SIK3: variants seen among roughly 807,000 people sequenced by gnomAD.
SIK3 encodes SIK family kinase 3.
Under a neutral mutation model 144.2 loss-of-function variants are expected in SIK3, and 28 were observed. The observed-to-expected ratio is 0.19, with a 90% confidence interval of 0.14 to 0.27. The LOEUF (loss-of-function observed/expected upper bound fraction) is 0.27. SIK3 is among the 10% of genes least tolerant of loss of function. The probability of loss-of-function intolerance (pLI) is 1.00; values close to 1 mark genes in which losing one functional copy is unlikely to be tolerated. For missense variants in SIK3, 1,319 were observed against 1,776.0 expected (o/e 0.74, Z 4.62); for synonymous variants, 686 against 676.3 (o/e 1.01, Z -0.22).
intron 1 of SIK3, among the ~76,000 whole-genome samples, chr11:117,056,769 C>T (rs1448694046): frequency 6.6e-6 from 1 of 152,080 alleles, no homozygotes; most frequent in Non-Finnish European, 1.5e-5. Context: ...TAAAACTTGG[C>T]TGTGCATATA....
At chr11:117,018,852 C>G (rs1299046254) in intron 1 of SIK3, among the ~76,000 whole-genome samples, 1 of 151,902 alleles carries the variant, frequency 6.6e-6, no homozygotes, top group Admixed American at 6.6e-5. Flanking sequence ...GCTGGAATTA[C>G]AGGCGCCTGC....
At chr11:116,999,031 G>C (rs1950764849) in intron 1 of SIK3, among the ~76,000 whole-genome samples, 2 of 152,100 alleles carry the variant, frequency 1.3e-5, no homozygotes, top group South Asian at 2.1e-4. Flanking sequence ...ATAAAATCAA[G>C]GCAAATTCCA....
chr11:116,905,274 C>T (rs1488645681), intron 4 of SIK3, among the ~76,000 whole-genome samples: 7 of 152,228 alleles, frequency 4.6e-5, no homozygotes, highest in Non-Finnish European at 7.3e-5. Flanking sequence ...ATGTTGTTGC[C>T]TATGTCAGCA....
intron 1 of SIK3, among the ~76,000 whole-genome samples, chr11:117,013,905 G>GTGTGTGTGTGTGTGTGTGTGTGT (rs1555127056): frequency 1.9e-4 from 9 of 47,318 alleles, no homozygotes; most frequent in East Asian, 8.7e-4. Flanking sequence ...TCTGAGGGGG[G>GTGTGTGTGTGTGTGTGTGTGTGT]GGGGGGGAGG....
chr11:116,862,241 C>T lies in SIK3; in HGVS notation c.2190G>A (p.Gln730=). 6.2e-7 allele frequency: 1 copy of T among 1,614,210 alleles called. No individual in the cohort carries two copies. Among genetic ancestry groups the T allele is most frequent in the Non-Finnish European group, 8.5e-7 (1 of 1,180,036 alleles). ...GGAGAATTTGATGGTGCTGCTCCTG[C>T]TGGTATAACATATGCTGCTGCTGGG... ...EKTQQQHMLY[Q]QEQHHQILQQ... Residue 730 remains glutamine (Q), a synonymous_variant, in exon 17 of 25, where the codon CAG becomes CAA. Transcript: ENST00000445177.
At chr11:116,948,851 A>C (rs929759002) in intron 3 of SIK3, among the ~76,000 whole-genome samples, 7 of 152,076 alleles carry the variant, frequency 4.6e-5, no homozygotes, top group Non-Finnish European at 1.0e-4. Flanking sequence ...AACTGAAGCA[A>C]GCAGAAAGAA....
intron 1 of SIK3, among the ~76,000 whole-genome samples, chr11:117,027,442 T>A (rs1271099503): frequency 6.6e-6 from 1 of 151,852 alleles, no homozygotes; most frequent in Non-Finnish European, 1.5e-5. Context: ...TTTTTCTTTT[T>A]TTTATATCTG....
In SIK3 at chr11:117,013,972, C is replaced by CTTTTTTTTTT. The variant is rs71037442; in HGVS notation, c.274-56918_274-56909dup. On this transcript the variant is annotated intron_variant, in intron 1 of 24. Transcript: ENST00000445177. ...TGTGTTTTATTTCTTTTTTTCTTTT[C>CTTTTTTTTTT]TTTTTTTTTTTTTTTTTTTTTTGAG... Among the ~76,000 whole-genome samples, 24 of 27,058 alleles carry CTTTTTTTTTT rather than the reference C, an allele frequency of 8.9e-4. 6 individuals carry two copies. Among genetic ancestry groups the CTTTTTTTTTT allele is most frequent in the African/African-American group, 2.5e-3 (23 of 9,102 alleles). 17.8% of individuals were successfully genotyped at this position (27,058 alleles called of 152,430 possible).
chr11:116,851,129 A>T (rs1233836870), intron 21 of SIK3, among the ~76,000 whole-genome samples: 3 of 152,272 alleles, frequency 2.0e-5, no homozygotes, highest in African/African-American at 7.2e-5. Context: ...GATCAAGGAT[A>T]GTCAAGAAGA....
chr11:116,894,171 T>C (rs1169935779), intron 6 of SIK3, among the ~76,000 whole-genome samples: 1 of 152,122 alleles, frequency 6.6e-6, no homozygotes, highest in Admixed American at 6.6e-5. Flanking sequence ...CTGGCTTACC[T>C]CACCAGCAAC....
intron 1 of SIK3, among the ~76,000 whole-genome samples, chr11:117,082,133 A>G (rs888650439): frequency 4.6e-5 from 7 of 152,238 alleles, no homozygotes; most frequent in South Asian, 2.1e-4. Flanking sequence ...AAAAAAGAAA[A>G]TAAGTTTTGG....
At chr11:117,007,959 C>T (rs1185121467) in intron 1 of SIK3, among the ~76,000 whole-genome samples, 5 of 151,312 alleles carry the variant, frequency 3.3e-5, no homozygotes, top group Non-Finnish European at 5.9e-5. Flanking sequence ...TGATGTAATC[C>T]CAGCTACTCA....
chr11:116,914,682 G>A (rs996375956), intron 4 of SIK3, among the ~76,000 whole-genome samples: 4 of 152,152 alleles, frequency 2.6e-5, no homozygotes, highest in Non-Finnish European at 5.9e-5. Flanking sequence ...GTTCCAGAGG[G>A]GCAATTGGTA....
intron 1 of SIK3, among the ~76,000 whole-genome samples, chr11:117,052,066 C>T (rs1565596650): frequency 2.0e-5 from 3 of 151,822 alleles, no homozygotes; most frequent in South Asian, 2.1e-4. Context: ...TGCTTGAAAC[C>T]GGAAGGCGGA....
intron 1 of SIK3, among the ~76,000 whole-genome samples, chr11:117,042,585 G>A (rs1046657029): frequency 2.6e-5 from 4 of 152,168 alleles, no homozygotes; most frequent in African/African-American, 4.8e-5. Flanking sequence ...TTATTTTCCA[G>A]GAGTCTTTCC....
At chr11:116,897,789 A>C (rs1050878378) in intron 4 of SIK3, among the ~76,000 whole-genome samples, 5 of 152,108 alleles carry the variant, frequency 3.3e-5, no homozygotes, top group African/African-American at 1.2e-4. Context: ...AGGCTGAGGC[A>C]GGGGAATTGC....
At position 116,986,912 on chromosome 11, in the gene SIK3, G is replaced by A. The variant is rs7104721; in HGVS notation, c.274-29848C>T. 9.2e-3 allele frequency among the ~76,000 whole-genome samples: 1,404 copies of A among 152,224 alleles called. 21 individuals carry two copies. The highest frequency in any genetic ancestry group is 0.032 in the African/African-American group (1,324 of 41,530). On this transcript the variant is annotated intron_variant, in intron 1 of 24. Coordinates refer to ENST00000445177, the MANE Select transcript of SIK3 (RefSeq NM_001366686.3). ...AAAATGAAAAAGCTAAACAAATACTGGCTCAAACTCATAGAAACAGAAAGC... is the reference window on the plus strand; with the variant it reads ...AAAATGAAAAAGCTAAACAAATACTAGCTCAAACTCATAGAAACAGAAAGC...
intron 21 of SIK3, among the ~76,000 whole-genome samples, chr11:116,853,510 C>A (rs1942631813): frequency 6.6e-6 from 1 of 152,240 alleles, no homozygotes; most frequent in South Asian, 2.1e-4. Flanking sequence ...ACGCCACCCA[C>A]CTTCCCGGGG....
chr11:116,914,423 G>A (rs988286580), intron 4 of SIK3, among the ~76,000 whole-genome samples: 1 of 152,008 alleles, frequency 6.6e-6, no homozygotes, highest in Non-Finnish European at 1.5e-5. Flanking sequence ...TGGCCAGGCT[G>A]GTCTCGAACT....
Sources: allele counts gnomAD v4.1 joint callset (sites outside exome capture counted in the v4.1 genomes callset), GRCh38; gene constraint gnomAD v4.1.1; transcripts MANE v1.5; gene names NCBI Gene and HGNC (gene_info 2026-07-23, HGNC 2026-07-21).